Variants in ZNF567 observed in about 807,000 individuals in gnomAD.
The protein encoded by ZNF567 is zinc finger protein 567.
Under a neutral mutation model 53.9 loss-of-function variants are expected in ZNF567, and 36 were observed. The observed-to-expected ratio is 0.67, with a 90% CI of 0.51 to 0.88. The LOEUF is 0.88. Among genes scored for constraint, ZNF567 ranks in the 40% least tolerant of loss-of-function variants. ZNF567 has a pLI of 0.00. For missense variants in ZNF567, 619 were observed against 764.7 expected (o/e 0.81, Z 2.25); for synonymous variants, 224 against 260.4 (o/e 0.86, Z 1.35).
Position 36,692,073 on chromosome 19 carries a change from G to A in ZNF567, c.-67+2576G>A, listed in dbSNP as rs536430843. On this transcript the variant is annotated intron_variant, in intron 2 of 5. Transcript: ENST00000682579. ...GTATCCATTGATGCACACTTGGGTT[G>A]TTTCCAGTTCTGAGGTGGTTATGAA... 3.3e-3 allele frequency among the ~76,000 whole-genome samples: 499 copies of A among 152,332 alleles called. 3 individuals are homozygous for A. The highest frequency in any genetic ancestry group is 8.2e-3 in the African/African-American group (340 of 41,568).
intron 3 of ZNF567, among the ~76,000 whole-genome samples, chr19:36,698,681 A>T (rs1184473403): frequency 6.6e-6 from 1 of 151,426 alleles, no homozygotes; most frequent in African/African-American, 2.4e-5. Context: ...GCCAGTGATG[A>T]TGAGCATTTT....
the ZNF567 span, among the ~76,000 whole-genome samples, chr19:36,675,491 C>T: frequency 3.9e-5 from 6 of 152,006 alleles, no homozygotes; most frequent in East Asian, 3.9e-4. Context: ...TGATCAACAT[C>T]GTGAAACCCT....
chr19:36,672,078 T>TA, the ZNF567 span, among the ~76,000 whole-genome samples: 1 of 152,298 alleles, frequency 6.6e-6, no homozygotes, highest in Non-Finnish European at 1.5e-5. Context: ...TTCTGCATGA[T>TA]AGACAGATAC....
intron 2 of ZNF567, among the ~76,000 whole-genome samples, chr19:36,693,727 T>C (rs1397331944): frequency 6.6e-6 from 1 of 152,132 alleles, no homozygotes; most frequent in Non-Finnish European, 1.5e-5. Flanking sequence ...GAAATAAATA[T>C]AAAGCCCAGC....
the ZNF567 span, chr19:36,668,803 T>C: frequency 2.0e-5 from 3 of 152,198 alleles, no homozygotes; most frequent in African/African-American, 4.8e-5. Context: ...ATTCTGCTTG[T>C]GTCTGATTCT....
At position 36,719,620 on chromosome 19, in the gene ZNF567, A is replaced by T; in HGVS notation, c.896A>T (p.His299Leu). Residue 299 changes from histidine (H) to leucine (L), a missense_variant, in exon 6 of 6, where the codon CAT becomes CTT. Coordinates refer to ENST00000682579, the MANE Select transcript of ZNF567 (RefSeq NM_001322917.1). ...AFRRKSYLIDHQRTHTGEKPF... is the reference protein window; with the variant it reads ...AFRRKSYLIDLQRTHTGEKPF... ...AGAAGGAAATCATATCTCATTGATC[A>T]TCAGAGAACTCACACAGGAGAGAAA... 6.2e-7 allele frequency: 1 copy of T among 1,614,046 alleles called. No individual in the cohort carries two copies. Among genetic ancestry groups the T allele is most frequent in the East Asian group, 2.2e-5 (1 of 44,868 alleles).
chr19:36,677,251 A>G, the ZNF567 span, among the ~76,000 whole-genome samples: 1 of 144,078 alleles, frequency 6.9e-6, no homozygotes, highest in Non-Finnish European at 1.5e-5. Flanking sequence ...CGAGGTCAGG[A>G]GTTCGAGACT....
At chr19:36,675,521 A>T in the ZNF567 span, among the ~76,000 whole-genome samples, 1 of 152,076 alleles carries the variant, frequency 6.6e-6, no homozygotes, top group African/African-American at 2.4e-5. Flanking sequence ...AAAAATACAA[A>T]AATTAGCTGG....
At chr19:36,684,133 GAC>G (rs1375408614), upstream of ZNF567, among the ~76,000 whole-genome samples, 2 of 152,242 alleles carry the variant, frequency 1.3e-5, no homozygotes, top group East Asian at 3.9e-4. Flanking sequence ...AAAAGATTAT[GAC>G]ACAGTTCATA....
chr19:36,688,292 G>A (rs1289159009), intron 1 of ZNF567, among the ~76,000 whole-genome samples: 1 of 152,046 alleles, frequency 6.6e-6, no homozygotes, highest in African/African-American at 2.4e-5. Flanking sequence ...TGGTGTACAC[G>A]ACCTATGATG....
Position 36,712,433 on chromosome 19 carries a change from G to A in ZNF567, c.57G>A (p.Glu19=), listed in dbSNP as rs1216519229. 6.2e-7 allele frequency: 1 copy of A among 1,614,108 alleles called. No homozygotes were observed. Among genetic ancestry groups the A allele is most frequent in the Non-Finnish European group, 8.5e-7 (1 of 1,179,988 alleles). ...NDVTVDFTQE[E]WQHLDHAQKT... is the part of the protein sequence containing the mutation. ...TGACTGTGGACTTCACTCAGGAGGAGTGGCAGCACCTGGATCATGCTCAGA... is the reference window on the plus strand; with the variant it reads ...TGACTGTGGACTTCACTCAGGAGGAATGGCAGCACCTGGATCATGCTCAGA... The change falls in exon 4 of 6, where the codon GAG becomes GAA. Residue 19 remains glutamate (E), a synonymous_variant. Coordinates refer to ENST00000682579, the MANE Select transcript of ZNF567 (RefSeq NM_001322917.1).
upstream of ZNF567, among the ~76,000 whole-genome samples, chr19:36,682,872 G>A (rs2038208136): frequency 2.6e-5 from 4 of 151,948 alleles, no homozygotes; most frequent in Non-Finnish European, 5.9e-5. Flanking sequence ...CTCCCAAAGT[G>A]CTGGGATTAC....
At chr19:36,682,745 C>T (rs935719551), upstream of ZNF567, among the ~76,000 whole-genome samples, 1 of 151,610 alleles carries the variant, frequency 6.6e-6, no homozygotes, top group African/African-American at 2.4e-5. Context: ...GTAGCTGGGA[C>T]TACAGGTGCC....
At chr19:36,670,344 A>G in the ZNF567 span, among the ~76,000 whole-genome samples, 1 of 152,196 alleles carries the variant, frequency 6.6e-6, no homozygotes, top group Admixed American at 6.5e-5. Flanking sequence ...GGGAGAGGCC[A>G]GGTGGAAGCG....
At chr19:36,721,551 A>G (rs2040298513), downstream of ZNF567, among the ~76,000 whole-genome samples, 1 of 152,138 alleles carries the variant, frequency 6.6e-6, no homozygotes, top group African/African-American at 2.4e-5. Flanking sequence ...GCTGTCTCTC[A>G]ATGCTTAAAT....
At chr19:36,715,286 G>C (rs2145868388) in intron 5 of ZNF567, among the ~76,000 whole-genome samples, 1 of 151,168 alleles carries the variant, frequency 6.6e-6, no homozygotes, top group South Asian at 2.1e-4. Flanking sequence ...TCAGCCTCTG[G>C]GGTAGCTGGG....
intron 2 of ZNF567, among the ~76,000 whole-genome samples, chr19:36,693,558 T>G (rs1323013273): frequency 2.0e-5 from 3 of 152,192 alleles, no homozygotes; most frequent in Admixed American, 6.5e-5. Context: ...ATTAAAATTT[T>G]AATAAAAATG....
intron 3 of ZNF567, among the ~76,000 whole-genome samples, chr19:36,708,709 G>A (rs1300755257): frequency 1.3e-5 from 2 of 152,096 alleles, no homozygotes; most frequent in South Asian, 2.1e-4. Flanking sequence ...AATGCCATTT[G>A]GTTAGAATCT....
At position 36,720,486 on chromosome 19, in the gene ZNF567, C is replaced by CCATATAAATGTAGTGAATGT; in HGVS notation, c.1763_1782dup (p.Gly595HisfsTer62). The CCATATAAATGTAGTGAATGT allele has an allele frequency of 6.2e-7, 1 of 1,613,856 alleles. No homozygotes were observed. Among genetic ancestry groups the CCATATAAATGTAGTGAATGT allele is most frequent in the Non-Finnish European group, 8.5e-7 (1 of 1,179,964 alleles). On this transcript the variant is annotated frameshift_variant, in exon 6 of 6. Transcript: ENST00000682579. LOFTEE classifies it high-confidence loss of function. ...TCAAAGAACTCATACGGGAGAGAAA[C>CCATATAAATGTAGTGAATGT]CATATAAATGTAGTGAATGTGGAAA... is the stretch of plus-strand genomic sequence containing the variant.
Sources: gnomAD v4.1 joint callset for allele counts (sites outside exome capture counted in the v4.1 genomes callset) on GRCh38, gnomAD v4.1.1 for gene constraint, MANE v1.5 for transcripts, NCBI Gene and HGNC (gene_info 2026-07-23, HGNC 2026-07-21) for gene names.